Variants in TENM3 observed in about 807,000 individuals in gnomAD.
TENM3 encodes the protein teneurin transmembrane protein 3.
A neutral mutation model predicts 255.1 loss-of-function variants in TENM3; 63 were observed. That is an observed-to-expected ratio of 0.25 (90% CI 0.20 to 0.30). The LOEUF is 0.30. Among genes scored for constraint, TENM3 ranks in the 10% least tolerant of loss-of-function variants. TENM3 has a pLI of 1.00. For missense variants in TENM3, 2,929 were observed against 3,461.1 expected (o/e 0.85, Z 3.86); for synonymous variants, 1,306 against 1,322.3 (o/e 0.99, Z 0.27).
intron 5 of TENM3, among the ~76,000 whole-genome samples, chr4:182,632,795 TAATC>T (rs1280629505): frequency 2.0e-5 from 3 of 152,182 alleles, no homozygotes; most frequent in African/African-American, 7.2e-5. Flanking sequence ...AGTCCTTATT[TAATC>T]TAAGTGTTAG....
chr4:182,038,879 G>A, the TENM3 span, among the ~76,000 whole-genome samples: 8 of 151,856 alleles, frequency 5.3e-5, no homozygotes, highest in African/African-American at 1.9e-4. Flanking sequence ...GATTATAGGC[G>A]CCCGCCACCA....
the TENM3 span, among the ~76,000 whole-genome samples, chr4:181,715,764 C>T: frequency 2.0e-5 from 3 of 152,182 alleles, no homozygotes; most frequent in Non-Finnish European, 4.4e-5. Context: ...CCAAAATGCC[C>T]TAGTGGGCAG....
intron 1 of TENM3, among the ~76,000 whole-genome samples, chr4:182,147,075 A>T (rs141205066): frequency 6.6e-6 from 1 of 152,204 alleles, no homozygotes; most frequent in African/African-American, 2.4e-5. Flanking sequence ...CTTATTCAGA[A>T]AGGAAACCTA....
chr4:181,598,083 G>A, the TENM3 span, among the ~76,000 whole-genome samples: 11 of 152,182 alleles, frequency 7.2e-5, no homozygotes, highest in South Asian at 2.1e-4. Flanking sequence ...ACTGAATACC[G>A]GACAGACATT....
chr4:182,776,117 T>C (rs923093080), intron 24 of TENM3, among the ~76,000 whole-genome samples: 8 of 152,120 alleles, frequency 5.3e-5, no homozygotes, highest in Non-Finnish European at 1.2e-4. Context: ...AATGTGAAAG[T>C]ACTTTGAAAA....
At chr4:182,125,766 G>T in the TENM3 span, among the ~76,000 whole-genome samples, 5 of 114,970 alleles carry the variant, frequency 4.3e-5, no homozygotes, top group Middle Eastern at 9.9e-3. Flanking sequence ...CCCTTTCCTT[G>T]CCTTTTTTTT....
chr4:182,755,783 T>C (rs1225716898), intron 22 of TENM3, among the ~76,000 whole-genome samples: 2 of 151,634 alleles, frequency 1.3e-5, no homozygotes, highest in Non-Finnish European at 2.9e-5. Context: ...CAGCTTGCAG[T>C]GAGCCGAGAT....
chr4:181,465,269 A>C, the TENM3 span, among the ~76,000 whole-genome samples: 23 of 127,270 alleles, frequency 1.8e-4, 2 homozygotes, highest in Non-Finnish European at 5.0e-5. Context: ...TGTTCAGAGA[A>C]AAAGACAACT....
intron 1 of TENM3, among the ~76,000 whole-genome samples, chr4:182,162,458 A>G (rs1751416237): frequency 6.6e-6 from 1 of 152,154 alleles, no homozygotes; most frequent in African/African-American, 2.4e-5. Flanking sequence ...GTGGAATACA[A>G]ACTGTGCACT....
At chr4:181,598,009 G>A in the TENM3 span, among the ~76,000 whole-genome samples, 1 of 152,176 alleles carries the variant, frequency 6.6e-6, no homozygotes, top group Non-Finnish European at 1.5e-5. Flanking sequence ...CAGGCTTCTG[G>A]CAGATGTATG....
At chr4:182,497,935 T>C (rs1735959679) in intron 3 of TENM3, among the ~76,000 whole-genome samples, 1 of 150,854 alleles carries the variant, frequency 6.6e-6, no homozygotes, top group African/African-American at 2.5e-5. Context: ...GCCTTGTACA[T>C]GTAACTCCTC....
intron 3 of TENM3, among the ~76,000 whole-genome samples, chr4:182,369,647 G>A (rs146968451): frequency 0.018 from 2,763 of 152,300 alleles, 50 homozygotes; most frequent in African/African-American, 0.041. Flanking sequence ...TTGGGAGGCT[G>A]AGGCAGGCCG....
At chr4:182,673,595 C>A (rs764453577) in intron 7 of TENM3, among the ~76,000 whole-genome samples, 3 of 152,148 alleles carry the variant, frequency 2.0e-5, no homozygotes, top group African/African-American at 7.2e-5. Context: ...ATCTCTAACA[C>A]GTATTCATTC....
At chr4:182,369,854 C>T (rs760571265) in intron 3 of TENM3, among the ~76,000 whole-genome samples, 2 of 151,890 alleles carry the variant, frequency 1.3e-5, no homozygotes, top group African/African-American at 2.4e-5. Flanking sequence ...CTCCAGCCCA[C>T]GTGACAGAGT....
intron 3 of TENM3, among the ~76,000 whole-genome samples, chr4:182,353,705 C>T (rs975431160): frequency 2.0e-5 from 3 of 152,122 alleles, no homozygotes; most frequent in East Asian, 1.9e-4. Context: ...TGGTGGCTCA[C>T]GCCTGTAATC....
chr4:182,229,624 A>G (rs572809316), intron 1 of TENM3, among the ~76,000 whole-genome samples: 91 of 149,034 alleles, frequency 6.1e-4, no homozygotes, highest in Middle Eastern at 6.9e-3. Context: ...ATATATGTGT[A>G]TATATATATA....
At chr4:181,487,671 C>T in the TENM3 span, among the ~76,000 whole-genome samples, 18 of 152,144 alleles carry the variant, frequency 1.2e-4, no homozygotes, top group East Asian at 3.3e-3. Flanking sequence ...TGAGGAGAGA[C>T]ACAAACATTC....
the TENM3 span, among the ~76,000 whole-genome samples, chr4:181,663,278 C>A: frequency 1.3e-5 from 2 of 152,032 alleles, no homozygotes; most frequent in African/African-American, 4.8e-5. Context: ...GCCTGTGCTC[C>A]AGAGGCCTTC....
At chr4:181,744,038 T>C in the TENM3 span, among the ~76,000 whole-genome samples, 1 of 152,156 alleles carries the variant, frequency 6.6e-6, no homozygotes, top group African/African-American at 2.4e-5. Flanking sequence ...TGTGTTCTTA[T>C]CATTCAGCTC....
Sources: gnomAD v4.1 joint callset for allele counts (sites outside exome capture counted in the v4.1 genomes callset) on GRCh38, gnomAD v4.1.1 for gene constraint, MANE v1.5 for transcripts, NCBI Gene and HGNC (gene_info 2026-07-23, HGNC 2026-07-21) for gene names.